Variants in PHF14 observed in about 807,000 individuals in gnomAD.
PHF14 encodes PHD finger protein 14.
In PHF14, 55 loss-of-function variants were observed where a neutral mutation model predicts 117.9. The observed-to-expected ratio is 0.47, with a 90% CI of 0.38 to 0.58. PHF14 has a LOEUF of 0.58. Among genes scored for constraint, PHF14 ranks in the 20% least tolerant of loss-of-function variants. The probability of loss-of-function intolerance (pLI) is 0.00; values close to 1 mark genes in which losing one functional copy is unlikely to be tolerated. For synonymous variants in PHF14, 409 were observed against 368.6 expected (o/e 1.11, Z -1.26); for missense variants, 978 against 1,122.2 (o/e 0.87, Z 1.84).
intron 17 of PHF14, among the ~76,000 whole-genome samples, chr7:11,145,061 C>T (rs1030219905): frequency 6.6e-6 from 1 of 151,710 alleles, no homozygotes; most frequent in Non-Finnish European, 1.5e-5. Context: ...ATATTTAATA[C>T]CTCTGAACTG....
intron 12 of PHF14, among the ~76,000 whole-genome samples, chr7:11,042,039 A>G (rs867359173): frequency 1.3e-5 from 2 of 151,976 alleles, no homozygotes; most frequent in Non-Finnish European, 1.5e-5. Context: ...CTGAGAAACC[A>G]AAAGATCCTA....
rs375651412 is a variant in PHF14 at position 11,111,443 on chromosome 7, G to T, written c.2748G>T (p.Gln916His). 2.5e-6 allele frequency: 4 copies of T among 1,592,342 alleles called. No homozygotes were observed. Among genetic ancestry groups the T allele is most frequent in the Non-Finnish European group, 2.6e-6 (3 of 1,162,966 alleles). Residue 916 changes from glutamine to histidine, a missense_variant, in exon 17 of 18, where the codon CAG becomes CAT. Physicochemically the swap from Gln to His is conservative, Grantham distance 24. Transcript: ENST00000634607. ...AGACAGGCTACGGATGGATATGTCA[G>T]GAATGTGATTCTTCATCTTCCAAGG... Reference protein sequence around the residue: ...PKQTGYGWICQECDSSSSKED... With the variant: ...PKQTGYGWICHECDSSSSKED...
chr7:11,144,728 G>A (rs547059863), intron 17 of PHF14, among the ~76,000 whole-genome samples: 6 of 151,646 alleles, frequency 4.0e-5, no homozygotes, highest in South Asian at 2.1e-4. Context: ...TTGAATGTTC[G>A]TAACACAAAT....
chr7:11,106,837 A>G (rs1787282010), intron 16 of PHF14: 1 of 984,324 alleles, frequency 1.0e-6, no homozygotes. Context: ...TTAAGTGGAC[A>G]GACATAATAG....
intron 17 of PHF14, among the ~76,000 whole-genome samples, chr7:11,116,399 C>G (rs1787603338): frequency 6.6e-6 from 1 of 152,000 alleles, no homozygotes; most frequent in Non-Finnish European, 1.5e-5. Context: ...GTAGAAAAAG[C>G]CAAGGACTGG....
intron 17 of PHF14, among the ~76,000 whole-genome samples, chr7:11,135,209 A>G (rs1420754475): frequency 6.6e-6 from 1 of 152,092 alleles, no homozygotes; most frequent in Non-Finnish European, 1.5e-5. Flanking sequence ...TCTGTGCCTC[A>G]GTTTCCTCAT....
intron 1 of PHF14, 28 bp downstream of exon 1, chr7:10,974,352 A>G (rs778998942): frequency 6.3e-7 from 1 of 1,579,008 alleles, no homozygotes; most frequent in Non-Finnish European, 8.6e-7. Flanking sequence ...CTCTGCGGCG[A>G]GAGGTCCATT....
At chr7:11,112,270 T>G (rs1256718862) in intron 17 of PHF14, among the ~76,000 whole-genome samples, 4 of 152,298 alleles carry the variant, frequency 2.6e-5, no homozygotes, top group African/African-American at 9.6e-5. Flanking sequence ...CCAGCCATCT[T>G]TCTTCAATGC....
chr7:11,063,748 C>G (rs1027640935), intron 16 of PHF14: 2 of 820,900 alleles, frequency 2.4e-6, no homozygotes, highest in Non-Finnish European at 2.9e-6. Context: ...TGATAGATTT[C>G]CAACCCATCA....
At chr7:11,122,352 T>TATATATATACAC in intron 17 of PHF14, among the ~76,000 whole-genome samples, 7 of 65,874 alleles carry the variant, frequency 1.1e-4, no homozygotes, top group African/African-American at 5.1e-4. Flanking sequence ...TATATATATA[T>TATATATATACAC]ACACACACAC....
chr7:11,083,535 A>G (rs12667015), intron 16 of PHF14, among the ~76,000 whole-genome samples: 2,695 of 138,304 alleles, frequency 0.019, 103 homozygotes, highest in East Asian at 0.16. Flanking sequence ...GTCTCGGCTC[A>G]CTGGAAACTC....
intron 17 of PHF14, among the ~76,000 whole-genome samples, chr7:11,127,096 CT>C (rs1002756761): frequency 2.0e-5 from 3 of 151,912 alleles, no homozygotes; most frequent in African/African-American, 7.3e-5. Flanking sequence ...TTCCAGTTAC[CT>C]TTAGGTATTA....
chr7:11,069,794 A>G (rs893328825), intron 16 of PHF14, among the ~76,000 whole-genome samples: 3 of 150,598 alleles, frequency 2.0e-5, no homozygotes, highest in Non-Finnish European at 4.4e-5. Flanking sequence ...AGTAGCTGGA[A>G]TTACCACCGT....
Position 11,075,198 on chromosome 7 carries a change from C to A in PHF14, c.2654+13113C>A, listed in dbSNP as rs553188181. 3.6e-4 allele frequency among the ~76,000 whole-genome samples: 55 copies of A among 152,264 alleles called. 1 individual carries two copies. Among genetic ancestry groups the A allele is most frequent in the Non-Finnish European group, 2.1e-4 (14 of 68,018 alleles). On this transcript the variant is annotated intron_variant, in intron 16 of 17. Transcript: ENST00000634607. Reference sequence around the variant, plus strand: ...AGGCAATCCTTCTGCCTCATCCTCCCAAAGTGCTGGGATTACAGGTGTGGG... The same window carrying A: ...AGGCAATCCTTCTGCCTCATCCTCCAAAAGTGCTGGGATTACAGGTGTGGG...
Position 10,982,989 on chromosome 7 carries a change from A to G in PHF14, c.730A>G (p.Ser244Gly). ...CAATGAGGATGATGAAGATGAGGGA[A>G]GCGGGAGTGATGAAGACGAGAATGA... ...GDNEDDEDEGSGSDEDENDEG... is the reference protein window; with the variant it reads ...GDNEDDEDEGGGSDEDENDEG... Residue 244 changes from serine (S) to glycine (G), a missense_variant, in exon 3 of 18, where the codon AGC becomes GGC. By Grantham distance (56) the Ser-to-Gly change is moderately conservative. Coordinates refer to ENST00000634607, the MANE Select transcript of PHF14 (RefSeq NM_001007157.2). 8 of 1,583,824 alleles carry G rather than the reference A, an allele frequency of 5.1e-6. No homozygotes were observed. The highest frequency in any genetic ancestry group is 6.9e-6 in the Non-Finnish European group (8 of 1,165,592).
Position 11,073,051 on chromosome 7 carries a change from G to T in PHF14, c.2654+10966G>T, listed in dbSNP as rs575722092. Among the ~76,000 whole-genome samples, 5 of 152,264 alleles carry T rather than the reference G, an allele frequency of 3.3e-5. No individual in the cohort carries two copies. In the East Asian group the frequency reaches 9.7e-4, roughly 29 times the overall value. ...GAGATCACATTTCAGCATGTTATTT[G>T]AATGGGAGAAACATCCAAACTATAT... On this transcript the variant is annotated intron_variant, in intron 16 of 17. Transcript: ENST00000634607.
rs1202395443 is a variant in PHF14 at position 10,974,136 on chromosome 7, G to C, written c.-188G>C. The C allele has an allele frequency of 7.0e-6, 4 of 575,160 alleles. No individual in the cohort carries two copies. Among genetic ancestry groups the C allele is most frequent in the African/African-American group, 1.9e-5 (1 of 53,096 alleles). The allele number at this position is 575,160 out of a possible 1,614,324, so 35.6% of individuals were successfully genotyped here. A position where few individuals can be genotyped will look rare whatever the true frequency, so the allele number is the denominator to read the frequency against. On this transcript the variant is annotated 5_prime_UTR_variant, in exon 1 of 18. Coordinates refer to ENST00000634607, the MANE Select transcript of PHF14 (RefSeq NM_001007157.2). ...CGAGCGGCCAGGGCCAGGCGAGGCC[G>C]GGGGGGCGGGGGGTTAGGGGACCGC...
rs1784259940 is a variant in PHF14, at chr7:11,034,833, G to GCCA, written c.1456-802_1456-800dup. ...CAAAGTGCTGGGATTACAGGCATGT[G>GCCA]CCACCACGCCTGGCCCTTAATTCTA... is the stretch of plus-strand genomic sequence containing the variant. On this transcript the variant is annotated intron_variant, in intron 7 of 17. Coordinates refer to ENST00000634607, the MANE Select transcript of PHF14 (RefSeq NM_001007157.2). 7.2e-5 allele frequency among the ~76,000 whole-genome samples: 11 copies of GCCA among 152,078 alleles called. No homozygotes were observed. The South Asian group carries it at 2.3e-3, about 32-fold the overall frequency.
At chr7:11,085,603 G>T (rs1786370138) in intron 16 of PHF14, among the ~76,000 whole-genome samples, 1 of 152,074 alleles carries the variant, frequency 6.6e-6, no homozygotes, top group African/African-American at 2.4e-5. Context: ...TAACATTGGT[G>T]ACCAACCTTC....
Sources: allele counts gnomAD v4.1 joint callset (sites outside exome capture counted in the v4.1 genomes callset), GRCh38; gene constraint gnomAD v4.1.1; transcripts MANE v1.5; gene names NCBI Gene and HGNC (gene_info 2026-07-23, HGNC 2026-07-21).